KALRN: variants seen among roughly 807,000 people sequenced by gnomAD.
KALRN encodes kalirin RhoGEF kinase, also known as kalirin.
KALRN carries 70 observed loss-of-function variants against 353.7 expected under a neutral mutation model. The observed-to-expected ratio is 0.20, with a 90% CI of 0.16 to 0.24. The LOEUF (loss-of-function observed/expected upper bound fraction) is 0.24, where lower values mean the gene tolerates loss of function less well. KALRN is among the 10% of genes least tolerant of loss of function. The probability of loss-of-function intolerance (pLI) is 1.00; values close to 1 mark genes in which losing one functional copy is unlikely to be tolerated. For missense variants in KALRN, 2,791 were observed against 3,756.7 expected (o/e 0.74, Z 6.72); for synonymous variants, 1,391 against 1,434.8 (o/e 0.97, Z 0.69).
intron 1 of KALRN, among the ~76,000 whole-genome samples, chr3:124,138,415 C>T (rs371383083): frequency 6.6e-6 from 1 of 152,310 alleles, no homozygotes; most frequent in South Asian, 2.1e-4. Flanking sequence ...GTTCTGTTGC[C>T]TTGACAACTT....
At chr3:124,518,721 G>C (rs2066903093) in intron 33 of KALRN, 1 of 1,400,194 alleles carries the variant, frequency 7.1e-7, no homozygotes, top group Admixed American at 3.0e-5. Flanking sequence ...TAAAATGGTG[G>C]GGCAGTAGGG....
intron 49 of KALRN, chr3:124,677,224 A>G (rs1455752988): frequency 1.9e-5 from 3 of 161,636 alleles, no homozygotes; most frequent in Non-Finnish European, 4.0e-5. Flanking sequence ...TATTCCAGAC[A>G]ACAATTAGAA....
rs2093394279 is a variant in KALRN at position 124,434,500 on chromosome 3, T to C, written c.3023T>C (p.Val1008Ala). ...EDRLKLVNASVAFYKTSEQVC... is the reference protein window; with the variant it reads ...EDRLKLVNASAAFYKTSEQVC... ...CGGCTAAAATTGGTCAATGCCTCTGTGGCCTTTTACAAAACTTCTGAACAG... is the reference window on the plus strand; with the variant it reads ...CGGCTAAAATTGGTCAATGCCTCTGCGGCCTTTTACAAAACTTCTGAACAG... Residue 1008 changes from valine to alanine, a missense_variant, in exon 17 of 60, where the codon GTG (valine) becomes GCG (alanine). Physicochemically the swap from Val to Ala is moderately conservative, Grantham distance 64. Coordinates refer to ENST00000682506, the MANE Select transcript of KALRN (RefSeq NM_001388419.1). 5 of 1,614,084 alleles carry C rather than the reference T, an allele frequency of 3.1e-6. No individual in the cohort carries two copies. The highest frequency in any genetic ancestry group is 2.2e-5 in the South Asian group (2 of 91,082).
intron 33 of KALRN, among the ~76,000 whole-genome samples, chr3:124,521,121 G>A (rs2109010718): frequency 6.6e-6 from 1 of 152,342 alleles, no homozygotes; most frequent in South Asian, 2.1e-4. Flanking sequence ...CTGACGGCCA[G>A]GGTCTTTGCA....
At chr3:124,407,324 A>G (rs920681289) in intron 13 of KALRN, among the ~76,000 whole-genome samples, 5 of 151,910 alleles carry the variant, frequency 3.3e-5, no homozygotes, top group Admixed American at 1.3e-4. Flanking sequence ...TTTTATATAT[A>G]TATATATATT....
intron 34 of KALRN, among the ~76,000 whole-genome samples, chr3:124,629,636 C>G (rs1029081146): frequency 2.6e-5 from 4 of 152,160 alleles, no homozygotes; most frequent in African/African-American, 9.7e-5. Context: ...TACAGCTCTT[C>G]CATTAAATCT....
chr3:124,489,134 C>T (rs2062866044), intron 29 of KALRN, among the ~76,000 whole-genome samples: 1 of 152,074 alleles, frequency 6.6e-6, no homozygotes, highest in South Asian at 2.1e-4. Context: ...TGGCGAAACC[C>T]CGTCTCTACT....
At chr3:124,649,841 T>C (rs1182869847) in intron 37 of KALRN, among the ~76,000 whole-genome samples, 1 of 112,164 alleles carries the variant, frequency 8.9e-6, no homozygotes, top group Non-Finnish European at 1.9e-5. Flanking sequence ...ATAGATATTA[T>C]GGCTGGGTGC....
At chr3:124,462,049 T>C in intron 24 of KALRN, 93 bp downstream of exon 24, 2 of 890,688 alleles carry the variant, frequency 2.2e-6, no homozygotes, top group Middle Eastern at 2.2e-4. Flanking sequence ...GCTATTGGTC[T>C]TCTCCCAGAG....
intron 33 of KALRN, among the ~76,000 whole-genome samples, chr3:124,550,768 T>C (rs555272148): frequency 6.9e-4 from 105 of 152,130 alleles, no homozygotes; most frequent in Middle Eastern, 3.4e-3. Context: ...GGTGGGCAGA[T>C]CATGAGGTCA....
chr3:124,286,082 C>CCTTCCCTTCTTTCTTT (rs1553893895), intron 5 of KALRN, among the ~76,000 whole-genome samples: 3 of 102,156 alleles, frequency 2.9e-5, no homozygotes, highest in Non-Finnish European at 5.8e-5. Context: ...TTCTTTCCTT[C>CCTTCCCTTCTTTCTTT]CTTTCTTTCT....
intron 33 of KALRN, among the ~76,000 whole-genome samples, chr3:124,508,006 G>C (rs939165800): frequency 6.6e-6 from 1 of 151,918 alleles, no homozygotes; most frequent in African/African-American, 2.4e-5. Context: ...TTTTTTAATT[G>C]AAATGTACAG....
chr3:124,537,392 G>A (rs747266685), intron 33 of KALRN, among the ~76,000 whole-genome samples: 1 of 152,182 alleles, frequency 6.6e-6, no homozygotes, highest in Non-Finnish European at 1.5e-5. Flanking sequence ...AAAGGTACAG[G>A]AATGTAGACA....
At chr3:124,267,055 C>G (rs1401637020) in intron 4 of KALRN, among the ~76,000 whole-genome samples, 1 of 152,202 alleles carries the variant, frequency 6.6e-6, no homozygotes, top group African/African-American at 2.4e-5. Context: ...GGAGAGATAG[C>G]TGGGGGCCTC....
chr3:124,227,879 C>A (rs955747931), intron 1 of KALRN, 111 bp from the exon 2 acceptor site: 8 of 856,006 alleles, frequency 9.3e-6, no homozygotes, highest in Middle Eastern at 5.6e-4. Flanking sequence ...AGGACCTGGA[C>A]AAGGCAGGAC....
chr3:124,525,735 T>C (rs1461599479), intron 33 of KALRN, among the ~76,000 whole-genome samples: 1 of 152,196 alleles, frequency 6.6e-6, no homozygotes, highest in Non-Finnish European at 1.5e-5. Flanking sequence ...CTTTCCTGTG[T>C]TCTCGTTTGC....
chr3:124,697,535 G>C, intron 54 of KALRN, 58 bp from the exon 55 acceptor site: 1 of 1,501,826 alleles, frequency 6.7e-7, no homozygotes, highest in Non-Finnish European at 8.9e-7. Flanking sequence ...CTTATACCTT[G>C]GTGTAAAATG....
intron 55 of KALRN, among the ~76,000 whole-genome samples, chr3:124,699,225 C>T (rs1366518885): frequency 6.6e-6 from 1 of 152,146 alleles, no homozygotes; most frequent in South Asian, 2.1e-4. Context: ...ACACATTTTA[C>T]AAAGTTCATG....
chr3:124,190,701 C>T (rs936381561), intron 1 of KALRN, among the ~76,000 whole-genome samples: 1 of 152,186 alleles, frequency 6.6e-6, no homozygotes, highest in Non-Finnish European at 1.5e-5. Flanking sequence ...TCTGTAGTTA[C>T]AGTAGAGATA....
Sources: allele counts gnomAD v4.1 joint callset (sites outside exome capture counted in the v4.1 genomes callset), GRCh38; gene constraint gnomAD v4.1.1; transcripts MANE v1.5; gene names NCBI Gene and HGNC (gene_info 2026-07-23, HGNC 2026-07-21).